Variants in TBC1D22A observed in about 807,000 individuals in gnomAD.
TBC1D22A encodes the protein putative GTPase activator.
TBC1D22A carries 38 observed loss-of-function variants against 60.2 expected under a neutral mutation model. That is an observed-to-expected ratio of 0.63 (90% CI 0.49 to 0.83). The LOEUF (loss-of-function observed/expected upper bound fraction) is 0.83, where lower values mean the gene tolerates loss of function less well. Among genes scored for constraint, TBC1D22A ranks in the 40% least tolerant of loss-of-function variants. The probability of loss-of-function intolerance (pLI) is 0.00; values close to 1 mark genes in which losing one functional copy is unlikely to be tolerated. For missense variants in TBC1D22A, 628 were observed against 701.0 expected (o/e 0.90, Z 1.18); for synonymous variants, 302 against 281.7 (o/e 1.07, Z -0.72).
rs78487647 is a variant in TBC1D22A, at chr22:46,844,671, T to C, written c.638-33982T>C. ...GGAAGGGTTGGGCTGAGCTGGATGCTTCCATCTGGGTCCCCCGTGGGGTCT... is the reference window on the plus strand; with the variant it reads ...GGAAGGGTTGGGCTGAGCTGGATGCCTCCATCTGGGTCCCCCGTGGGGTCT... On this transcript the variant is annotated intron_variant, in intron 4 of 12. Transcript: ENST00000337137. Among the ~76,000 whole-genome samples, 563 of 152,318 alleles carry C rather than the reference T, an allele frequency of 3.7e-3. 1 individual carries two copies. Among genetic ancestry groups the C allele is most frequent in the Non-Finnish European group, 6.5e-3 (445 of 68,030 alleles).
intron 12 of TBC1D22A, among the ~76,000 whole-genome samples, chr22:47,168,554 C>T (rs1259911554): frequency 6.6e-6 from 1 of 152,180 alleles, no homozygotes; most frequent in Non-Finnish European, 1.5e-5. Context: ...GGGCTCGGGC[C>T]CAGCACTCCC....
At chr22:46,768,338 A>G (rs1002710749) in intron 1 of TBC1D22A, among the ~76,000 whole-genome samples, 2 of 151,816 alleles carry the variant, frequency 1.3e-5, no homozygotes, top group Admixed American at 6.6e-5. Flanking sequence ...TACAAAAGTT[A>G]GCCAGGCGTG....
At chr22:46,964,980 A>G (rs2073727804) in intron 8 of TBC1D22A, among the ~76,000 whole-genome samples, 2 of 152,350 alleles carry the variant, frequency 1.3e-5, no homozygotes, top group Admixed American at 1.3e-4. Flanking sequence ...CAGCACCCAC[A>G]CAGGAGCAGA....
At chr22:46,790,116 G>A (rs1356380937) in intron 1 of TBC1D22A, among the ~76,000 whole-genome samples, 1 of 152,240 alleles carries the variant, frequency 6.6e-6, no homozygotes, top group Non-Finnish European at 1.5e-5. Context: ...GTCTGATGTG[G>A]GTCTCGCTGG....
chr22:47,082,706 T>TA (rs1483917946), intron 11 of TBC1D22A, among the ~76,000 whole-genome samples: 12 of 152,286 alleles, frequency 7.9e-5, no homozygotes, highest in East Asian at 3.9e-4. Flanking sequence ...CCTTAATGGC[T>TA]AAAAATGAAA....
chr22:46,770,956 C>T (rs757919031), intron 1 of TBC1D22A, among the ~76,000 whole-genome samples: 22 of 152,120 alleles, frequency 1.4e-4, no homozygotes, highest in Non-Finnish European at 2.5e-4. Flanking sequence ...ACGGGGGCCG[C>T]GGAAGAGCTG....
intron 4 of TBC1D22A, among the ~76,000 whole-genome samples, chr22:46,861,664 G>A (rs979503572): frequency 6.6e-6 from 1 of 152,246 alleles, no homozygotes; most frequent in Non-Finnish European, 1.5e-5. Flanking sequence ...CCAGGAGGGG[G>A]AGGAGGGCGG....
At chr22:47,057,111 G>A (rs1399932279) in intron 11 of TBC1D22A, among the ~76,000 whole-genome samples, 1 of 152,268 alleles carries the variant, frequency 6.6e-6, no homozygotes, top group Non-Finnish European at 1.5e-5. Context: ...GCTGAATGCA[G>A]TGTTGTTGGA....
chr22:46,765,955 TTATG>T (rs1556000566), intron 1 of TBC1D22A, among the ~76,000 whole-genome samples: 10 of 113,312 alleles, frequency 8.8e-5, no homozygotes, highest in African/African-American at 2.5e-4. Context: ...CCCAGCTAAT[TTATG>T]TGTGTGTGTG....
intron 11 of TBC1D22A, among the ~76,000 whole-genome samples, chr22:47,055,571 G>A (rs2063365887): frequency 6.6e-6 from 1 of 152,160 alleles, no homozygotes; most frequent in South Asian, 2.1e-4. Context: ...TGTTAGCTGG[G>A]GTCATGGAGG....
At chr22:47,111,173 G>A (rs1469270415) in intron 11 of TBC1D22A, among the ~76,000 whole-genome samples, 1 of 152,188 alleles carries the variant, frequency 6.6e-6, no homozygotes, top group Non-Finnish European at 1.5e-5. Context: ...CTCTGTGTCT[G>A]GCATGGCACC....
rs555088331 is a variant in TBC1D22A at position 46,886,872 on chromosome 22, C to T, written c.709-4394C>T. Among the ~76,000 whole-genome samples, 8 of 152,290 alleles carry T rather than the reference C, an allele frequency of 5.3e-5. No homozygotes were observed. In the East Asian group the frequency reaches 1.2e-3, roughly 22 times the overall value. On this transcript the variant is annotated intron_variant, in intron 5 of 12. Transcript: ENST00000337137. ...ACACACAGTACATAAACAGATGGGC[C>T]GTGCCCTGTCCAGCAAAATTTTATT...
At chr22:47,027,406 T>C (rs1745904503) in intron 10 of TBC1D22A, among the ~76,000 whole-genome samples, 1 of 152,218 alleles carries the variant, frequency 6.6e-6, no homozygotes, top group Non-Finnish European at 1.5e-5. Context: ...TTAGTGGTGA[T>C]TGGTGAGATT....
chr22:47,034,992 A>G (rs951940865), intron 10 of TBC1D22A, among the ~76,000 whole-genome samples: 1 of 151,736 alleles, frequency 6.6e-6, no homozygotes, highest in African/African-American at 2.4e-5. Flanking sequence ...GTCCACCCAA[A>G]TGTTCCACCT....
intron 12 of TBC1D22A, among the ~76,000 whole-genome samples, chr22:47,126,245 G>A (rs2066452707): frequency 6.6e-6 from 1 of 152,236 alleles, no homozygotes; most frequent in Non-Finnish European, 1.5e-5. Flanking sequence ...GCCTCCCAAA[G>A]TGCTGGGATT....
chr22:47,059,085 C>T (rs1279011200), intron 11 of TBC1D22A, among the ~76,000 whole-genome samples: 2 of 152,232 alleles, frequency 1.3e-5, no homozygotes, highest in Admixed American at 6.5e-5. Context: ...GTTCAGTAAG[C>T]GTTGTGATGG....
At chr22:46,815,013 A>G (rs929423254) in intron 4 of TBC1D22A, among the ~76,000 whole-genome samples, 5 of 152,134 alleles carry the variant, frequency 3.3e-5, no homozygotes, top group Non-Finnish European at 5.9e-5. Context: ...TGAAAACATG[A>G]TTGTTCATGG....
At chr22:47,051,003 G>A (rs148273541) in intron 11 of TBC1D22A, among the ~76,000 whole-genome samples, 15 of 152,284 alleles carry the variant, frequency 9.9e-5, no homozygotes, top group South Asian at 4.1e-4. Flanking sequence ...GAATAGCAGC[G>A]CTCCCTTTGC....
intron 11 of TBC1D22A, among the ~76,000 whole-genome samples, chr22:47,059,118 A>G (rs906427868): frequency 6.6e-6 from 1 of 152,246 alleles, no homozygotes; most frequent in Non-Finnish European, 1.5e-5. Context: ...TGAGAACATC[A>G]AGGCTCGGCC....
Sources: gnomAD v4.1 joint callset for allele counts (sites outside exome capture counted in the v4.1 genomes callset) on GRCh38, gnomAD v4.1.1 for gene constraint, MANE v1.5 for transcripts, NCBI Gene and HGNC (gene_info 2026-07-23, HGNC 2026-07-21) for gene names.